Variants in ZNF398 observed in about 807,000 individuals in gnomAD.
ZNF398 encodes zinc finger protein 398.
Under a neutral mutation model 41.9 loss-of-function variants are expected in ZNF398, and 18 were observed. The observed-to-expected ratio is 0.43, with a 90% CI of 0.30 to 0.64. The LOEUF is 0.64. Ranked by LOEUF, ZNF398 falls within the 30% of genes least tolerant of loss-of-function variation. The pLI, the probability that ZNF398 is intolerant of heterozygous loss-of-function variation, is 0.14. For missense variants in ZNF398, 669 were observed against 822.8 expected (o/e 0.81, Z 2.29); for synonymous variants, 260 against 308.8 (o/e 0.84, Z 1.66).
chr7:149,166,038 A>T, intron 2 of ZNF398, 120 bp from the exon 3 acceptor site: 1 of 1,127,700 alleles, frequency 8.9e-7, no homozygotes, highest in Non-Finnish European at 1.3e-6. Flanking sequence ...AGAGATATTT[A>T]GAATATTTAT....
chr7:149,152,770 G>A (rs1024753665), intron 1 of ZNF398, among the ~76,000 whole-genome samples: 5 of 151,590 alleles, frequency 3.3e-5, no homozygotes, highest in African/African-American at 9.7e-5. Context: ...TCTCCACGTT[G>A]GTCAGGCAGG....
intron 2 of ZNF398, among the ~76,000 whole-genome samples, chr7:149,159,830 C>T (rs13232440): frequency 0.073 from 11,149 of 151,948 alleles, 407 homozygotes; most frequent in Middle Eastern, 0.092. Flanking sequence ...CAGGCTCAAG[C>T]GATTCTCGTG....
chr7:149,143,130 G>A (rs1826862144), upstream of ZNF398, among the ~76,000 whole-genome samples: 1 of 127,832 alleles, frequency 7.8e-6, no homozygotes. Flanking sequence ...GCCAGAGCGA[G>A]ACTCCATCTC....
intron 1 of ZNF398, among the ~76,000 whole-genome samples, chr7:149,152,682 T>TCA (rs1794875277): frequency 6.6e-6 from 1 of 151,684 alleles, no homozygotes; most frequent in South Asian, 2.1e-4. Flanking sequence ...TTGTCCTGCC[T>TCA]CAGCCTCTGA....
chr7:149,177,511 G>A (rs188656389), intron 5 of ZNF398, among the ~76,000 whole-genome samples: 1 of 152,322 alleles, frequency 6.6e-6, no homozygotes, highest in Non-Finnish European at 1.5e-5. Flanking sequence ...AGCCACAATT[G>A]TACCTTAAAA....
rs1351056026 is a variant in ZNF398 at position 149,153,942 on chromosome 7, C to T, written c.25-3C>T. 12 of 1,602,982 alleles carry T rather than the reference C, an allele frequency of 7.5e-6. No homozygotes were observed. Among genetic ancestry groups the T allele is most frequent in the African/African-American group, 1.3e-5 (1 of 74,610 alleles). ...TCTTGTTCCATCTTTCCACTGCATG[C>T]AGACATCTGAATGGGACTCCGAGTG... On this transcript the variant is annotated splice_region_variant and splice_polypyrimidine_tract_variant and intron_variant, in intron 1 of 5. Coordinates refer to ENST00000475153, the MANE Select transcript of ZNF398 (RefSeq NM_170686.3).
chr7:149,168,239 G>A (rs1013706638), intron 4 of ZNF398, among the ~76,000 whole-genome samples: 1 of 151,878 alleles, frequency 6.6e-6, no homozygotes, highest in Non-Finnish European at 1.5e-5. Context: ...CACCACGCCT[G>A]GCTAATTTTT....
rs1372834716 is a variant in ZNF398, at chr7:149,179,357, C to T, written c.1485C>T (p.His495=). Residue 495 remains histidine, a synonymous_variant, in exon 6 of 6, where the codon CAC becomes CAT. Transcript: ENST00000475153. The surrounding 1 kb of genome is among the most constrained non-coding windows in gnomAD (Gnocchi z 6.1). ...AGTGTGGCATTGACTTCAACGGCCA[C>T]TCGGCCCTGATCCGCCACCAGATGA... ...CPQCGIDFNG[H]SALIRHQMIH... The T allele has an allele frequency of 1.2e-6, 2 of 1,612,380 alleles. No homozygotes were observed. Among genetic ancestry groups the T allele is most frequent in the South Asian group, 1.1e-5 (1 of 91,046 alleles).
At chr7:149,144,305 G>C (rs1017346901), upstream of ZNF398, among the ~76,000 whole-genome samples, 8 of 152,102 alleles carry the variant, frequency 5.3e-5, no homozygotes, top group Admixed American at 3.9e-4. Context: ...CATCAAACTT[G>C]AAAACTTTAC....
rs1795223331 is a variant in ZNF398 at position 149,166,242 on chromosome 7, A to G, written c.505A>G (p.Lys169Glu). Residue 169 changes from lysine to glutamate, a missense_variant, in exon 3 of 6, where the codon AAG (lysine) becomes GAG (glutamate). Physicochemically the swap from Lys to Glu is moderately conservative, Grantham distance 56 (BLOSUM62 1). Around this residue, in one of 3 missense-constraint regions of ZNF398, gnomAD observed 169 missense variants for 239.5 expected, o/e 0.71. Transcript: ENST00000475153. Reference protein sequence around the residue: ...KLEEWQKELYKNIMKGNYESL... With the variant: ...KLEEWQKELYENIMKGNYESL... ...AGAAGAATGGCAAAAGGAACTTTACAAGAATATCATGAAGGGCAACTACGA... is the reference window on the plus strand; with the variant it reads ...AGAAGAATGGCAAAAGGAACTTTACGAGAATATCATGAAGGGCAACTACGA... The G allele has an allele frequency of 3.1e-6, 5 of 1,614,150 alleles. No homozygotes were observed. In the East Asian group the frequency reaches 6.7e-5, roughly 22 times the overall value.
At chr7:149,161,011 C>T (rs1368287176) in intron 2 of ZNF398, among the ~76,000 whole-genome samples, 3 of 152,074 alleles carry the variant, frequency 2.0e-5, no homozygotes, top group Non-Finnish European at 4.4e-5. Flanking sequence ...GGGCTTTCCC[C>T]AACGCTGCCC....
intron 2 of ZNF398, among the ~76,000 whole-genome samples, chr7:149,164,818 G>A (rs1024821713): frequency 2.0e-5 from 3 of 152,180 alleles, no homozygotes; most frequent in African/African-American, 7.2e-5. Flanking sequence ...GTGGGAGGCC[G>A]GGCACGGTGG....
intron 4 of ZNF398, among the ~76,000 whole-genome samples, chr7:149,173,952 G>A (rs1401826932): frequency 1.3e-5 from 2 of 151,830 alleles, no homozygotes; most frequent in Non-Finnish European, 2.9e-5. Context: ...GCACCACCAC[G>A]CCCAGCTAAT....
At chr7:149,148,118 C>T (rs1827005743) in intron 1 of ZNF398, 2 of 270,610 alleles carry the variant, frequency 7.4e-6, no homozygotes, top group African/African-American at 4.4e-5. Flanking sequence ...AGCCGTCAGC[C>T]ATTCTCGCGG....
At chr7:149,132,501 C>T (rs528348054) in intron 2 of ZNF398, among the ~76,000 whole-genome samples, 1 of 152,202 alleles carries the variant, frequency 6.6e-6, no homozygotes, top group South Asian at 2.1e-4. Context: ...GCCTAGAGAA[C>T]AGCTTTCTCT....
At chr7:149,147,224 G>C (rs1585511470), upstream of ZNF398, 2 of 152,348 alleles carry the variant, frequency 1.3e-5, no homozygotes, top group East Asian at 3.9e-4. This position sits in a 1 kb window ranked among gnomAD's most constrained non-coding sequence, Gnocchi z 5.6. Context: ...CCGGCTTTGC[G>C]GCTGGGTCCT....
chr7:149,174,086 G>A (rs1381125679), intron 4 of ZNF398, among the ~76,000 whole-genome samples: 1 of 152,058 alleles, frequency 6.6e-6, no homozygotes, highest in Admixed American at 6.6e-5. Flanking sequence ...GACCCACCAT[G>A]CCCGGCCTGA....
At chr7:149,129,207 G>T (rs1399939486) in intron 2 of ZNF398, among the ~76,000 whole-genome samples, 1 of 151,996 alleles carries the variant, frequency 6.6e-6, no homozygotes, top group Non-Finnish European at 1.5e-5. Flanking sequence ...AGTCAGGTTG[G>T]AAACTAAGCG....
chr7:149,179,741 C>T lies in ZNF398; in HGVS notation c.1869C>T (p.Asn623=). ...TTGAAACTTCTGGCCTGGGTGTCAA[C>T]ACTGAAGGTCTAGAGACCAACCAGT... ...TGLETSGLGV[N]TEGLETNQWY... is the part of the protein sequence containing the mutation. The change falls in exon 6 of 6, where the codon AAC becomes AAT. Residue 623 remains asparagine, a synonymous_variant. Transcript: ENST00000475153. The surrounding 1 kb of genome is among the most constrained non-coding windows in gnomAD (Gnocchi z 6.1). 6.2e-7 allele frequency: 1 copy of T among 1,612,934 alleles called. No individual in the cohort carries two copies.
Sources: allele counts gnomAD v4.1 joint callset (sites outside exome capture counted in the v4.1 genomes callset), GRCh38; gene constraint gnomAD v4.1.1; regional missense constraint gnomAD v4.1.1; non-coding constraint Gnocchi (gnomAD v3.1); transcripts MANE v1.5; gene names NCBI Gene and HGNC (gene_info 2026-07-23, HGNC 2026-07-21).